NAA11: variants seen among roughly 807,000 people sequenced by gnomAD.
NAA11 encodes the protein N-alpha-acetyltransferase 11, NatA catalytic subunit.
In NAA11, 15 loss-of-function variants were observed where a neutral mutation model predicts 16.1. The ratio of observed to expected loss-of-function variants is 0.93; its 90% CI spans 0.62 to 1.44. NAA11 has a LOEUF of 1.44. NAA11 is among the 40% of genes most tolerant of loss of function. The probability of loss-of-function intolerance (pLI) is 0.00; values close to 1 mark genes in which losing one functional copy is unlikely to be tolerated. For synonymous variants in NAA11, 122 were observed against 112.4 expected, an observed-to-expected ratio of 1.09 and a Z score of -0.54; for missense variants, 298 against 291.3, an observed-to-expected ratio of 1.02 and a Z score of -0.17.
chr4:79,303,956 T>A lies in NAA11; in HGVS notation c.*13-9842A>T, dbSNP rs186087849. ...TGTTTTTAATATATGATTGTTTTAC[T>A]AATTTTTAAAAACTCATGTTGATTC... On this transcript the variant is annotated intron_variant and NMD_transcript_variant, in intron 1 of 2. Coordinates refer to the NAA11 transcript ENST00000511542. Among the ~76,000 whole-genome samples the A allele has an allele frequency of 2.9e-4, 44 of 152,330 alleles. No individual in the cohort carries two copies. In the East Asian group the frequency reaches 4.8e-3, roughly 17 times the overall value.
chr4:79,311,365 A>T (rs1335190627), intron 1 of NAA11, among the ~76,000 whole-genome samples: 1 of 152,188 alleles, frequency 6.6e-6, no homozygotes, highest in Admixed American at 6.5e-5. Flanking sequence ...ATCCAATACA[A>T]CTGTCATAAA....
the NAA11 span, among the ~76,000 whole-genome samples, chr4:79,176,525 G>A: frequency 2.6e-5 from 4 of 152,022 alleles, no homozygotes; most frequent in Admixed American, 6.6e-5. Context: ...GGGGGAAATC[G>A]TCTTTGTTCT....
chr4:79,203,738 T>A, the NAA11 span, among the ~76,000 whole-genome samples: 1 of 151,166 alleles, frequency 6.6e-6, no homozygotes, highest in African/African-American at 2.4e-5. Flanking sequence ...TATCAGAAAA[T>A]ATATATACAA....
the NAA11 span, among the ~76,000 whole-genome samples, chr4:79,196,955 C>CAAAAAAA: frequency 2.3e-3 from 195 of 86,184 alleles, 1 homozygote; most frequent in African/African-American, 2.7e-3. Flanking sequence ...ATGAAAAAGA[C>CAAAAAAA]AAAAAAAAAA....
chr4:79,253,783 T>C (rs1354243801), intron 2 of NAA11, among the ~76,000 whole-genome samples: 1 of 152,198 alleles, frequency 6.6e-6, no homozygotes, highest in Non-Finnish European at 1.5e-5. Flanking sequence ...ATGAGTGATA[T>C]TAGAAAATGT....
At chr4:79,274,080 C>T (rs770362457) in intron 2 of NAA11, among the ~76,000 whole-genome samples, 2 of 151,980 alleles carry the variant, frequency 1.3e-5, no homozygotes, top group African/African-American at 2.4e-5. Context: ...TGATGGTGAC[C>T]AGGTGGGGTG....
At chr4:79,224,982 A>G (rs1189673088), downstream of NAA11, among the ~76,000 whole-genome samples, 1 of 152,100 alleles carries the variant, frequency 6.6e-6, no homozygotes, top group African/African-American at 2.4e-5. Flanking sequence ...AGCACTTGTC[A>G]TAGTCAAGAG....
intron 2 of NAA11, among the ~76,000 whole-genome samples, chr4:79,256,654 A>ATATATATATATATATATATTTT (rs1299887758): frequency 6.9e-6 from 1 of 144,130 alleles, no homozygotes; most frequent in African/African-American, 2.6e-5. Flanking sequence ...AAATATAAAT[A>ATATATATATATATATATATTTT]TATATATATA....
At chr4:79,202,623 T>TTATTTATATATATATATATATATATA in the NAA11 span, among the ~76,000 whole-genome samples, 2 of 52,622 alleles carry the variant, frequency 3.8e-5, no homozygotes, top group African/African-American at 9.1e-5. Context: ...ATATATAGTT[T>TTATTTATATATATATATATATATATA]TATATATATA....
rs1336246430 is a variant in NAA11 at position 79,325,497 on chromosome 4, G to GT, written c.380dup (p.Asn127LysfsTer5). The GT allele has an allele frequency of 6.2e-7, 1 of 1,614,200 alleles. No individual in the cohort carries two copies. The highest frequency in any genetic ancestry group is 2.2e-5 in the East Asian group (1 of 44,872). On this transcript the variant is annotated frameshift_variant, in exon 1 of 2. Transcript: ENST00000286794. LOFTEE classifies it high-confidence loss of function. ...TAGGTTCCACCTCACTAATCTGAAA[G>GT]TTGAGGGTGTTAGAATAAAGGTGCA...
At position 79,250,765 on chromosome 4, in the gene NAA11, TAAAC is replaced by T. The variant is rs1721977254; in HGVS notation, c.*123-24499_*123-24496del. 2.0e-5 allele frequency among the ~76,000 whole-genome samples: 3 copies of T among 150,564 alleles called. No homozygotes were observed. The East Asian group carries it at 5.9e-4, about 30-fold the overall frequency. On this transcript the variant is annotated intron_variant and NMD_transcript_variant, in intron 2 of 2. Transcript: ENST00000511542. ...TAATATTCAGCATTTATAAGGAACT[TAAAC>T]AAAATTACAGGAAAAAAACACCATT... is the stretch of plus-strand genomic sequence containing the variant.
At chr4:79,270,030 T>G (rs1722455769) in intron 2 of NAA11, among the ~76,000 whole-genome samples, 2 of 151,464 alleles carry the variant, frequency 1.3e-5, no homozygotes, top group Non-Finnish European at 2.9e-5. Flanking sequence ...GCGGCGTTAT[T>G]TCTGAGGGCT....
At chr4:79,207,212 C>T in the NAA11 span, among the ~76,000 whole-genome samples, 1 of 151,864 alleles carries the variant, frequency 6.6e-6, no homozygotes, top group Non-Finnish European at 1.5e-5. Flanking sequence ...CCTGATTGCT[C>T]TGGCTAGGAC....
chr4:79,210,872 C>G, the NAA11 span, among the ~76,000 whole-genome samples: 1 of 152,180 alleles, frequency 6.6e-6, no homozygotes, highest in Non-Finnish European at 1.5e-5. Flanking sequence ...CTTTCTTTAT[C>G]TGTAAAATGG....
At chr4:79,321,984 G>C (rs1374324007) in intron 1 of NAA11, among the ~76,000 whole-genome samples, 1 of 152,122 alleles carries the variant, frequency 6.6e-6, no homozygotes, top group Non-Finnish European at 1.5e-5. Flanking sequence ...TGATACCATG[G>C]AGTAGGGTCC....
At chr4:79,255,909 G>T (rs533434310) in intron 2 of NAA11, among the ~76,000 whole-genome samples, 3 of 152,278 alleles carry the variant, frequency 2.0e-5, no homozygotes, top group South Asian at 2.1e-4. Context: ...TCCAGGGAAG[G>T]GTAGTAACTT....
chr4:79,222,596 T>C (rs1392744323), downstream of NAA11, among the ~76,000 whole-genome samples: 2 of 148,326 alleles, frequency 1.3e-5, no homozygotes, highest in Non-Finnish European at 3.0e-5. Flanking sequence ...AAGGACTTCA[T>C]GTCTAAAACA....
At position 79,325,901 on chromosome 4, in the gene NAA11, T is replaced by C. The variant is rs935974923; in HGVS notation, c.-24A>G. 1.3e-6 allele frequency: 2 copies of C among 1,585,148 alleles called. No homozygotes were observed. The highest frequency in any genetic ancestry group is 8.6e-7 in the Non-Finnish European group (1 of 1,164,588). ...ATAATGGCAGAGGGTAGGGAACCGGTTGGACTGCAGTGAACCCAGAAGAGG... is the reference window on the plus strand; with the variant it reads ...ATAATGGCAGAGGGTAGGGAACCGGCTGGACTGCAGTGAACCCAGAAGAGG... On this transcript the variant is annotated 5_prime_UTR_variant, in exon 1 of 2. Transcript: ENST00000286794.
At chr4:79,217,413 C>G in the NAA11 span, among the ~76,000 whole-genome samples, 1 of 152,102 alleles carries the variant, frequency 6.6e-6, no homozygotes. Context: ...TCATTTTCCC[C>G]CAAAAGCTTG....
Sources: allele counts gnomAD v4.1 joint callset (sites outside exome capture counted in the v4.1 genomes callset), GRCh38; gene constraint gnomAD v4.1.1; transcripts MANE v1.5; gene names NCBI Gene and HGNC (gene_info 2026-07-23, HGNC 2026-07-21).